SENP1: variants seen among roughly 807,000 people sequenced by gnomAD.
SENP1 encodes the protein sentrin-specific protease 1.
Under a neutral mutation model 93.0 loss-of-function variants are expected in SENP1, and 21 were observed. The observed-to-expected ratio is 0.23, with a 90% confidence interval of 0.16 to 0.33. The LOEUF (loss-of-function observed/expected upper bound fraction) is 0.33. Ranked by LOEUF, SENP1 falls within the 10% of genes least tolerant of loss-of-function variation. The pLI is 1.00. For missense variants in SENP1, 591 were observed against 758.7 expected (o/e 0.78, Z 2.60); for synonymous variants, 256 against 259.6 (o/e 0.99, Z 0.13).
chr12:48,061,301 G>A (rs1346426954), intron 13 of SENP1, among the ~76,000 whole-genome samples: 1 of 152,190 alleles, frequency 6.6e-6, no homozygotes, highest in Non-Finnish European at 1.5e-5. Context: ...AGAAAAAGAA[G>A]AGAAATTATT....
In SENP1 at chr12:48,074,796, AT is replaced by A. The variant is rs1565776496; in HGVS notation, c.553-4del. On this transcript the variant is annotated splice_region_variant and splice_polypyrimidine_tract_variant and intron_variant, in intron 6 of 17. Coordinates refer to ENST00000549518, the MANE Select transcript of SENP1 (RefSeq NM_001267594.2). ...TCTCTTTCTTCTTCTTGAACTGTCT[AT>A]AAGAAAACAAAAAAAAAAAACAGTT... is the stretch of plus-strand genomic sequence containing the variant. 6.4e-7 allele frequency: 1 copy of A among 1,563,006 alleles called. No individual in the cohort carries two copies. The highest frequency in any genetic ancestry group is 1.4e-5 in the African/African-American group (1 of 72,774).
intron 13 of SENP1, among the ~76,000 whole-genome samples, chr12:48,053,145 C>T (rs992849000): frequency 5.9e-5 from 9 of 152,096 alleles, no homozygotes; most frequent in Non-Finnish European, 1.2e-4. Flanking sequence ...TACCAATTCC[C>T]CCCGTTCCCA....
At position 48,074,464 on chromosome 12, in the gene SENP1, T is replaced by C. The variant is rs1334118971; in HGVS notation, c.800A>G (p.His267Arg). The change falls in exon 8 of 18, where the codon CAC becomes CGC. Residue 267 changes from histidine (H) to arginine (R), a missense_variant. Transcript: ENST00000549518. ...SILTNQEQLS[H>R]SVYSLSSYTP... ...ATAAGAAGATAGGGAATATACACTGTGGGACAGCTGTTCCTGGTTAGTTAA... is the reference window on the plus strand; with the variant it reads ...ATAAGAAGATAGGGAATATACACTGCGGGACAGCTGTTCCTGGTTAGTTAA... 1.2e-6 allele frequency: 2 copies of C among 1,613,962 alleles called. No individual in the cohort carries two copies. The highest frequency in any genetic ancestry group is 1.3e-5 in the African/African-American group (1 of 75,046).
Position 48,091,303 on chromosome 12 carries a change from A to G in SENP1, c.221-2343T>C, listed in dbSNP as rs1286016363. On this transcript the variant is annotated intron_variant, in intron 4 of 17. Coordinates refer to ENST00000549518, the MANE Select transcript of SENP1 (RefSeq NM_001267594.2). ...GTCTCTACTAAAAATACAAAAAATT[A>G]GCCAGGCGTGGTGGCACACGTCTGT... Among the ~76,000 whole-genome samples, 9 of 152,262 alleles carry G rather than the reference A, an allele frequency of 5.9e-5. No homozygotes were observed. The East Asian group carries it at 1.7e-3, about 29-fold the overall frequency.
chr12:48,061,089 T>C (rs1942929653), intron 13 of SENP1, among the ~76,000 whole-genome samples: 2 of 152,206 alleles, frequency 1.3e-5, no homozygotes, highest in African/African-American at 2.4e-5. Context: ...CTAATGGCTT[T>C]CCATACATAT....
intron 3 of SENP1, 33 bp from the exon 4 acceptor site, chr12:48,096,460 A>ATTT (rs749718788): frequency 6.2e-5 from 72 of 1,164,340 alleles, no homozygotes; most frequent in South Asian, 1.3e-4. Flanking sequence ...CTTAAGTCAC[A>ATTT]TTTTTTTTTT....
chr12:48,101,552 C>T, intron 1 of SENP1, 36 bp from the exon 2 acceptor site: 2 of 1,070,964 alleles, frequency 1.9e-6, no homozygotes, highest in Admixed American at 4.1e-5. Context: ...AAATTACATA[C>T]TGAAACACCT....
chr12:48,065,423 T>C (rs1943234645), intron 11 of SENP1, among the ~76,000 whole-genome samples, 173 bp downstream of exon 11: 1 of 152,226 alleles, frequency 6.6e-6, no homozygotes, highest in South Asian at 2.1e-4. Context: ...TTATGTACAA[T>C]GAGTAGCACT....
Position 48,074,755 on chromosome 12 carries a change from C to T in SENP1, c.591G>A (p.Leu197=). 1 of 1,612,348 alleles carries T rather than the reference C, an allele frequency of 6.2e-7. No homozygotes were observed. Among genetic ancestry groups the T allele is most frequent in the Non-Finnish European group, 8.5e-7 (1 of 1,179,264 alleles). ...ACTGTTTCCCTGTGACCATCTGTAG[C>T]AGCTGTCTGTAAATCTCTCTTTCTT... ...QEEEREIYRQ[L]LQMVTGKQFT... Residue 197 remains leucine, a synonymous_variant, in exon 7 of 18, where the codon CTG becomes CTA. Coordinates refer to ENST00000549518, the MANE Select transcript of SENP1 (RefSeq NM_001267594.2).
At chr12:48,088,608 G>T in intron 5 of SENP1, 193 bp downstream of exon 5, 1 of 580,980 alleles carries the variant, frequency 1.7e-6, no homozygotes, top group Non-Finnish European at 3.0e-6. Context: ...AGTAAGATCT[G>T]GCTATCATCA....
At chr12:48,104,943 G>C (rs1445925838) in intron 1 of SENP1, among the ~76,000 whole-genome samples, 2 of 152,338 alleles carry the variant, frequency 1.3e-5, no homozygotes, top group Non-Finnish European at 2.9e-5. Flanking sequence ...GTGTAAACTG[G>C]AAGTAGGTTA....
intron 8 of SENP1, among the ~76,000 whole-genome samples, chr12:48,073,938 A>G (rs1978161): frequency 0.4 from 60,605 of 152,046 alleles, 12,937 homozygotes; most frequent in East Asian, 0.83. Flanking sequence ...CTATTTGTGG[A>G]TTTAGTTTAC....
chr12:48,085,122 C>G, intron 5 of SENP1: 6 of 1,407,796 alleles, frequency 4.3e-6, no homozygotes, highest in Non-Finnish European at 5.0e-6. Context: ...GACTGGTTTC[C>G]TGCTGGGCAG....
Position 48,071,731 on chromosome 12 carries a change from C to T in SENP1, c.941-10G>A. On this transcript the variant is annotated splice_polypyrimidine_tract_variant and intron_variant, in intron 8 of 17. Coordinates refer to ENST00000549518, the MANE Select transcript of SENP1 (RefSeq NM_001267594.2). ...ATCACAGAGTCTGATCCTAAAGAAACACAAGAGCATTTCATTAGTAATAAA... is the reference window on the plus strand; with the variant it reads ...ATCACAGAGTCTGATCCTAAAGAAATACAAGAGCATTTCATTAGTAATAAA... 2 of 1,588,082 alleles carry T rather than the reference C, an allele frequency of 1.3e-6. No individual in the cohort carries two copies. Among genetic ancestry groups the T allele is most frequent in the Non-Finnish European group, 1.7e-6 (2 of 1,158,326 alleles).
intron 3 of SENP1, 116 bp downstream of exon 3, chr12:48,097,878 C>T: frequency 1.1e-6 from 1 of 942,038 alleles, no homozygotes; most frequent in Non-Finnish European, 1.5e-6. Context: ...ATTACTGATT[C>T]TAAAAAGTTT....
intron 4 of SENP1, among the ~76,000 whole-genome samples, chr12:48,091,986 A>C (rs994655747): frequency 2.0e-5 from 3 of 152,174 alleles, no homozygotes; most frequent in Non-Finnish European, 2.9e-5. Flanking sequence ...GTAACAAAGT[A>C]AACTGTAAAA....
intron 4 of SENP1, chr12:48,089,379 C>A: frequency 8.1e-7 from 1 of 1,231,684 alleles, no homozygotes; most frequent in Non-Finnish European, 1.0e-6. Context: ...TTATTGATTA[C>A]TAAGCAGCTA....
intron 9 of SENP1, among the ~76,000 whole-genome samples, chr12:48,067,278 T>A (rs1943370686): frequency 6.6e-6 from 1 of 152,188 alleles, no homozygotes; most frequent in Admixed American, 6.5e-5. Flanking sequence ...AAAGAGGACA[T>A]CACTTCTCAA....
rs191830142 is a variant in SENP1 at position 48,045,015 on chromosome 12, G to T, written c.*307C>A. ...AGCTTTTCTCAGTCCCATAATTAGG[G>T]ACTGAGTGAGGCTGGAGCCCTTTGA... On this transcript the variant is annotated 3_prime_UTR_variant, in exon 18 of 18. Transcript: ENST00000549518. 509 of 366,764 alleles carry T rather than the reference G, an allele frequency of 1.4e-3. 4 individuals are homozygous for T. In the East Asian group the frequency reaches 0.019, roughly 14 times the overall value. 22.7% of individuals were successfully genotyped at this position (366,764 alleles called of 1,614,324 possible). A position where few individuals can be genotyped will look rare whatever the true frequency, so the allele number is the denominator to read the frequency against.
Sources: allele counts gnomAD v4.1 joint callset (sites outside exome capture counted in the v4.1 genomes callset), GRCh38; gene constraint gnomAD v4.1.1; transcripts MANE v1.5; gene names NCBI Gene and HGNC (gene_info 2026-07-23, HGNC 2026-07-21).